The following MAP3K15 variants were observed in gnomAD, a reference collection of about 807,000 sequenced individuals.
MAP3K15 encodes mitogen-activated protein kinase kinase kinase 15, also known as MAPK/ERK kinase kinase 15.
A neutral mutation model predicts 99.5 loss-of-function variants in MAP3K15; 124 were observed. The observed-to-expected ratio is 1.25, with a 90% CI of 1.08 to 1.45. MAP3K15 has a LOEUF of 1.45. Ranked by LOEUF, MAP3K15 falls within the 40% of genes most tolerant of loss-of-function variation. MAP3K15 has a pLI of 0.00. For synonymous variants in MAP3K15, 494 were observed against 439.6 expected (o/e 1.12, Z -1.55); for missense variants, 1,242 against 1,079.7 (o/e 1.15, Z -2.11).
intron 3 of MAP3K15, among the ~76,000 whole-genome samples, chrX:19,467,204 C>G (rs1476091435): frequency 1.8e-5 from 2 of 110,852 alleles, no homozygotes; most frequent in African/African-American, 3.3e-5. Flanking sequence ...GATTCTGCAG[C>G]ATTTGGGCCA....
Position 19,435,927 on chromosome X carries a change from G to A in MAP3K15, c.996-4319C>T, listed in dbSNP as rs759612288. Among the ~76,000 whole-genome samples, 5 of 112,132 alleles carry A rather than the reference G, an allele frequency of 4.5e-5. No homozygotes were observed. The East Asian group carries it at 1.4e-3, about 32-fold the overall frequency. On this transcript the variant is annotated intron_variant, in intron 6 of 28. Transcript: ENST00000338883. ...CCAGCACTTTGGGAGGCCAAGGCGG[G>A]CAGATTACCTGAGGTCAGGAGTTCG...
chrX:19,361,289 C>G, intron 28 of MAP3K15, 50 bp downstream of exon 28: 1 of 1,014,335 alleles, frequency 9.9e-7, no homozygotes, highest in Non-Finnish European at 1.4e-6. Flanking sequence ...GAAGCATATT[C>G]ACACATAAAA....
At chrX:19,416,406 A>C (rs1351584546) in intron 9 of MAP3K15, among the ~76,000 whole-genome samples, 5 of 111,396 alleles carry the variant, frequency 4.5e-5, no homozygotes, top group African/African-American at 1.6e-4. Context: ...TCGTCTCTCC[A>C]GTAAATTGCA....
intron 6 of MAP3K15, among the ~76,000 whole-genome samples, chrX:19,433,757 T>C (rs2063901448): frequency 8.9e-6 from 1 of 112,164 alleles, no homozygotes; most frequent in Non-Finnish European, 1.9e-5. Flanking sequence ...ACAAAACAGG[T>C]ACCCATCCTG....
chrX:19,495,747 AATAC>A (rs2064396929), intron 1 of MAP3K15, among the ~76,000 whole-genome samples: 1 of 111,871 alleles, frequency 8.9e-6, no homozygotes, highest in African/African-American at 3.2e-5. Context: ...ATCTTTTGCA[AATAC>A]ATATTGTTCT....
At chrX:19,495,013 T>TTTTG (rs1257432079) in intron 1 of MAP3K15, among the ~76,000 whole-genome samples, 2 of 111,247 alleles carry the variant, frequency 1.8e-5, no homozygotes, top group Non-Finnish European at 3.8e-5. Context: ...TTGTGAAGTG[T>TTTTG]TTTGTTTGTT....
chrX:19,464,474 C>T, intron 3 of MAP3K15, 68 bp from the exon 4 acceptor site: 3 of 854,204 alleles, frequency 3.5e-6, no homozygotes, highest in South Asian at 5.4e-5. Flanking sequence ...GGGCAGGTGG[C>T]GCCTGGTGGG....
intron 6 of MAP3K15, among the ~76,000 whole-genome samples, chrX:19,445,589 CAA>C (rs764600771): frequency 0.047 from 1,804 of 38,456 alleles, 60 homozygotes; most frequent in African/African-American, 0.12. Context: ...GACTCTGTCT[CAA>C]AAAAAAAAAA....
Position 19,372,912 on chromosome X carries a change from G to A in MAP3K15, c.2934-85C>T, listed in dbSNP as rs764463605. The A allele has an allele frequency of 1.1e-3, 1,017 of 946,350 alleles. 4 individuals are homozygous for A. The highest frequency in any genetic ancestry group is 1.7e-3 in the Admixed American group (63 of 37,380). 78.0% of individuals were successfully genotyped at this position (946,350 alleles called of 1,213,427 possible). A position where few individuals can be genotyped will look rare whatever the true frequency, so the allele number is the denominator to read the frequency against. On this transcript the variant is annotated intron_variant, in intron 21 of 28. Transcript: ENST00000338883. Reference sequence around the variant, plus strand: ...GTCATGTTAGGACGCCCTGGAGAAGGGCTGAGAGGTAACTGCGATGCAGTC... The same window carrying A: ...GTCATGTTAGGACGCCCTGGAGAAGAGCTGAGAGGTAACTGCGATGCAGTC...
At chrX:19,413,183 CAT>C (rs1422834515) in intron 11 of MAP3K15, among the ~76,000 whole-genome samples, 172 bp downstream of exon 11, 1 of 110,228 alleles carries the variant, frequency 9.1e-6, no homozygotes, top group African/African-American at 3.3e-5. Flanking sequence ...CACACACACA[CAT>C]GCCCACACAC....
chrX:19,473,044 A>C (rs1295661673), intron 3 of MAP3K15, among the ~76,000 whole-genome samples: 1 of 112,300 alleles, frequency 8.9e-6, no homozygotes, highest in East Asian at 2.8e-4. Context: ...AGAGGATCTG[A>C]TCCACGGAGC....
At chrX:19,414,027 G>A (rs1262616291) in intron 10 of MAP3K15, among the ~76,000 whole-genome samples, 1 of 109,244 alleles carries the variant, frequency 9.2e-6, no homozygotes, top group East Asian at 2.9e-4. Context: ...TGGGTGTGGT[G>A]GTATACACCT....
chrX:19,366,039 G>A (rs2063332627), intron 25 of MAP3K15, among the ~76,000 whole-genome samples: 1 of 104,871 alleles, frequency 9.5e-6, no homozygotes, highest in Non-Finnish European at 1.9e-5. Flanking sequence ...AAAGACTGAA[G>A]GTAATTATTG....
At chrX:19,373,787 C>T (rs1195444474) in intron 20 of MAP3K15, 92 bp from the exon 21 acceptor site, 12 of 952,064 alleles carry the variant, frequency 1.3e-5, no homozygotes, top group Non-Finnish European at 1.6e-5. Context: ...CCAGGTGAAC[C>T]GCCCAGGCAC....
chrX:19,469,220 G>A (rs1444999133), intron 3 of MAP3K15, among the ~76,000 whole-genome samples: 7 of 111,693 alleles, frequency 6.3e-5, no homozygotes, highest in Non-Finnish European at 1.1e-4. Context: ...CAATGGAACA[G>A]AACAGAGCCC....
In MAP3K15 at chrX:19,408,165, T is replaced by A. The variant is rs976504474; in HGVS notation, c.1749-882A>T. Among the ~76,000 whole-genome samples the A allele has an allele frequency of 2.7e-5, 3 of 111,242 alleles. No individual in the cohort carries two copies. In the Admixed American group the frequency reaches 2.9e-4, roughly 11 times the overall value. On this transcript the variant is annotated intron_variant, in intron 12 of 28. Transcript: ENST00000338883. ...CCACCACAGTTAGTTGGAGAGCCTCTGGAACGCTCAAAGTATACTCTTCAG... is the reference window on the plus strand; with the variant it reads ...CCACCACAGTTAGTTGGAGAGCCTCAGGAACGCTCAAAGTATACTCTTCAG...
chrX:19,481,552 A>T (rs1449529417), intron 3 of MAP3K15, among the ~76,000 whole-genome samples: 1 of 112,193 alleles, frequency 8.9e-6, no homozygotes, highest in East Asian at 2.8e-4. Flanking sequence ...CCTTGCTTCC[A>T]AAATGTATAG....
intron 9 of MAP3K15, among the ~76,000 whole-genome samples, chrX:19,418,369 C>T (rs942851169): frequency 9.0e-6 from 1 of 111,344 alleles, no homozygotes; most frequent in Non-Finnish European, 1.9e-5. Flanking sequence ...AGCTGAAAAC[C>T]AAGGCACAAG....
At chrX:19,506,559 C>T (rs1490310833) in intron 1 of MAP3K15, among the ~76,000 whole-genome samples, 1 of 111,363 alleles carries the variant, frequency 9.0e-6, no homozygotes, top group African/African-American at 3.3e-5. Context: ...CTTGCTCTGC[C>T]GCCCAGGCTG....
Sources: gnomAD v4.1 joint callset for allele counts (sites outside exome capture counted in the v4.1 genomes callset) on GRCh38, gnomAD v4.1.1 for gene constraint, MANE v1.5 for transcripts, NCBI Gene and HGNC (gene_info 2026-07-23, HGNC 2026-07-21) for gene names.